Variants in PDLIM5 observed in about 807,000 individuals in gnomAD.
PDLIM5 encodes PDZ and LIM domain protein 5.
Under a neutral mutation model 64.2 loss-of-function variants are expected in PDLIM5, and 34 were observed. The observed-to-expected ratio is 0.53, with a 90% confidence interval of 0.40 to 0.71. PDLIM5 has a LOEUF of 0.71. PDLIM5 is among the 30% of genes least tolerant of loss of function. The probability of loss-of-function intolerance (pLI) is 0.00; values close to 1 mark genes in which losing one functional copy is unlikely to be tolerated. For synonymous variants in PDLIM5, 253 were observed against 269.1 expected, an observed-to-expected ratio of 0.94 and a Z score of 0.59; for missense variants, 683 against 733.6, an observed-to-expected ratio of 0.93 and a Z score of 0.80.
chr4:94,657,637 G>A, intron 11 of PDLIM5, 90 bp downstream of exon 11: 1 of 899,236 alleles, frequency 1.1e-6, no homozygotes, highest in Non-Finnish European at 1.7e-6. Context: ...AAAATATTAG[G>A]CAAAGTTATT....
At chr4:94,629,529 G>A (rs1273026926) in intron 8 of PDLIM5, among the ~76,000 whole-genome samples, 2 of 152,092 alleles carry the variant, frequency 1.3e-5, no homozygotes, top group Non-Finnish European at 2.9e-5. Context: ...GGAGAAAAAG[G>A]CATGAATTTT....
Position 94,662,548 on chromosome 4 carries a change from T to G in PDLIM5, c.1701+11T>G. 2 of 1,324,686 alleles carry G rather than the reference T, an allele frequency of 1.5e-6. No individual in the cohort carries two copies. The highest frequency in any genetic ancestry group is 2.2e-6 in the Non-Finnish European group (2 of 915,970). 82.1% of individuals were successfully genotyped at this position (1,324,686 alleles called of 1,614,324 possible). On this transcript the variant is annotated intron_variant, in intron 12 of 12. Coordinates refer to ENST00000317968, the MANE Select transcript of PDLIM5 (RefSeq NM_006457.5). The stretch of plus-strand genomic sequence containing the variant: ...TGCTTTGTATGCTCAGTAAGTAGAG[T>G]CTTATTTCCTAATTAAAGGGGTATA...
intron 2 of PDLIM5, among the ~76,000 whole-genome samples, chr4:94,506,455 A>T (rs1030962174): frequency 6.6e-6 from 1 of 152,182 alleles, no homozygotes; most frequent in African/African-American, 2.4e-5. Context: ...ATGAAGGCTC[A>T]CTTTGCTTCA....
intron 3 of PDLIM5, among the ~76,000 whole-genome samples, 171 bp from the exon 4 acceptor site, chr4:94,573,180 A>G (rs1022342814): frequency 1.3e-5 from 2 of 152,228 alleles, no homozygotes; most frequent in Non-Finnish European, 2.9e-5. Context: ...TTTGACTTAC[A>G]TGAATGAATT....
chr4:94,464,436 G>A (rs1724165438), intron 2 of PDLIM5, among the ~76,000 whole-genome samples: 1 of 152,192 alleles, frequency 6.6e-6, no homozygotes, highest in East Asian at 1.9e-4. Flanking sequence ...TTAACTTTTG[G>A]AAGTGGTAGA....
At chr4:94,661,988 T>A (rs1239432938) in intron 11 of PDLIM5, among the ~76,000 whole-genome samples, 1 of 151,918 alleles carries the variant, frequency 6.6e-6, no homozygotes, top group East Asian at 1.9e-4. Flanking sequence ...GCCCAGCTAA[T>A]TTTTGTATTT....
intron 2 of PDLIM5, among the ~76,000 whole-genome samples, chr4:94,510,137 T>C (rs1249212917): frequency 1.3e-5 from 2 of 152,222 alleles, no homozygotes; most frequent in East Asian, 3.8e-4. Flanking sequence ...GGAAAGAAGA[T>C]TCTTGTTCTT....
chr4:94,452,874 C>T (rs937300450), intron 1 of PDLIM5, among the ~76,000 whole-genome samples: 1 of 152,232 alleles, frequency 6.6e-6, no homozygotes, highest in Non-Finnish European at 1.5e-5. Flanking sequence ...CGAATCCCTC[C>T]TGGAAAACTG....
chr4:94,543,141 C>A (rs182567763), intron 3 of PDLIM5, among the ~76,000 whole-genome samples: 116 of 152,222 alleles, frequency 7.6e-4, no homozygotes, highest in Non-Finnish European at 1.2e-3. Context: ...GTATAAATTA[C>A]CACAAACTAG....
chr4:94,455,399 C>A lies in PDLIM5; in HGVS notation c.96+15C>A, dbSNP rs1432330620. The A allele has an allele frequency of 2.6e-6, 4 of 1,517,524 alleles. No homozygotes were observed. The highest frequency in any genetic ancestry group is 3.7e-6 in the Non-Finnish European group (4 of 1,092,272). The allele number at this position is 1,517,524 out of a possible 1,614,324, so 94.0% of individuals were successfully genotyped here. A position where few individuals can be genotyped will look rare whatever the true frequency, so the allele number is the denominator to read the frequency against. ...CAATCTCTAGTGTAAGTAAACTTTA[C>A]AAATTTTATTATAGATGTTCATTCA... On this transcript the variant is annotated intron_variant, in intron 2 of 12. Coordinates refer to ENST00000317968, the MANE Select transcript of PDLIM5 (RefSeq NM_006457.5).
chr4:94,556,914 A>G (rs1164620296), intron 3 of PDLIM5, among the ~76,000 whole-genome samples: 1 of 152,022 alleles, frequency 6.6e-6, no homozygotes, highest in Non-Finnish European at 1.5e-5. Context: ...GTTTAATTAG[A>G]TCCCATTTGT....
In PDLIM5 at chr4:94,629,274, G is replaced by T. The variant is rs189329906; in HGVS notation, c.1109-11002G>T. Among the ~76,000 whole-genome samples, 47 of 152,200 alleles carry T rather than the reference G, an allele frequency of 3.1e-4. No individual in the cohort carries two copies. The East Asian group carries it at 8.3e-3, about 27-fold the overall frequency. On this transcript the variant is annotated intron_variant, in intron 8 of 12. Coordinates refer to ENST00000317968, the MANE Select transcript of PDLIM5 (RefSeq NM_006457.5). ...TGAGGCAGGAGGATTGCTTGAACCT[G>T]GGGGGCGGAGGTCACAGTGAGCCGA...
intron 8 of PDLIM5, among the ~76,000 whole-genome samples, chr4:94,639,258 G>A (rs2110454488): frequency 1.3e-5 from 2 of 152,232 alleles, no homozygotes; most frequent in South Asian, 4.1e-4. Flanking sequence ...AGGTTGTGGG[G>A]CAAGCAGAGA....
intron 4 of PDLIM5, among the ~76,000 whole-genome samples, chr4:94,574,994 G>GT (rs1224485376): frequency 0.013 from 1,819 of 136,262 alleles, 12 homozygotes; most frequent in Middle Eastern, 0.03. Context: ...CTTTTTTAAA[G>GT]TTTTTTTTTT....
At chr4:94,541,855 T>A (rs1470019148) in intron 3 of PDLIM5, among the ~76,000 whole-genome samples, 1 of 152,224 alleles carries the variant, frequency 6.6e-6, no homozygotes, top group Non-Finnish European at 1.5e-5. Context: ...TGGAATAAAC[T>A]GCTTTAACAG....
intron 3 of PDLIM5, among the ~76,000 whole-genome samples, chr4:94,546,771 T>A (rs1317784956): frequency 1.3e-5 from 2 of 152,088 alleles, no homozygotes; most frequent in Non-Finnish European, 2.9e-5. Flanking sequence ...GTTAGTGTTA[T>A]ATATATTACT....
chr4:94,657,268 A>G (rs901617766), intron 10 of PDLIM5, among the ~76,000 whole-genome samples, 159 bp from the exon 11 acceptor site: 10 of 152,252 alleles, frequency 6.6e-5, no homozygotes, highest in Non-Finnish European at 1.3e-4. Flanking sequence ...GTTCTTAAGT[A>G]TCTCTTGTTA....
chr4:94,639,214 G>C (rs1740808977), intron 8 of PDLIM5, among the ~76,000 whole-genome samples: 1 of 152,172 alleles, frequency 6.6e-6, no homozygotes, highest in South Asian at 2.1e-4. Flanking sequence ...TGTTCTTGGA[G>C]CATAAAGTGA....
At chr4:94,552,806 T>C (rs780494897) in intron 3 of PDLIM5, among the ~76,000 whole-genome samples, 1 of 152,146 alleles carries the variant, frequency 6.6e-6, no homozygotes, top group Non-Finnish European at 1.5e-5. Flanking sequence ...AAGAGTGATC[T>C]AATTTTATAT....
Sources: allele counts gnomAD v4.1 joint callset (sites outside exome capture counted in the v4.1 genomes callset), GRCh38; gene constraint gnomAD v4.1.1; transcripts MANE v1.5; gene names NCBI Gene and HGNC (gene_info 2026-07-23, HGNC 2026-07-21).